The following PCDHGA4 variants were observed in gnomAD, a reference collection of about 807,000 sequenced individuals.
PCDHGA4 encodes protocadherin gamma subfamily A, 4.
A neutral mutation model predicts 54.6 loss-of-function variants in PCDHGA4; 38 were observed. That is an observed-to-expected ratio of 0.70 (90% confidence interval 0.54 to 0.91). The LOEUF is 0.91. Among genes scored for constraint, PCDHGA4 ranks in the 40% least tolerant of loss-of-function variants. PCDHGA4 has a pLI of 0.00. For synonymous variants in PCDHGA4, 511 were observed against 512.9 expected (o/e 1.00, Z 0.05); for missense variants, 1,298 against 1,220.9 (o/e 1.06, Z -0.94).
chr5:141,390,371 T>C (rs761971479), intron 1 of PCDHGA4: 15 of 1,499,488 alleles, frequency 1.0e-5, no homozygotes, highest in Non-Finnish European at 3.6e-6. Context: ...GGAAAATATA[T>C]AATTTTTAGA....
At chr5:141,391,884 G>C (rs1192403353) in intron 1 of PCDHGA4, 1 of 152,128 alleles carries the variant, frequency 6.6e-6, no homozygotes, top group East Asian at 1.9e-4. Flanking sequence ...TTGGTGAAAG[G>C]GATGGGATGG....
intron 1 of PCDHGA4, chr5:141,383,834 C>T: frequency 2.5e-6 from 4 of 1,613,906 alleles, no homozygotes; most frequent in Non-Finnish European, 3.4e-6. Context: ...TATGAAGAAA[C>T]TGCCTTCTAT....
chr5:141,381,834 T>TTCTTTCTTTCTTTCTTTCTTCTTC, intron 1 of PCDHGA4, among the ~76,000 whole-genome samples: 1 of 140,162 alleles, frequency 7.1e-6, no homozygotes, highest in African/African-American at 2.8e-5. Flanking sequence ...TTCTTTTTTT[T>TTCTTTCTTTCTTTCTTTCTTCTTC]TTTTTTTTTT....
rs376415955 is a variant in PCDHGA4, at chr5:141,432,082, C to T, written c.2515-62725C>T. ...CCACGGAAACTCATATCTCGCTGAACGTGGCAGACACCAACGACAACCCGC... is the reference window on the plus strand; with the variant it reads ...CCACGGAAACTCATATCTCGCTGAATGTGGCAGACACCAACGACAACCCGC... On this transcript the variant is annotated intron_variant, in intron 1 of 3. Transcript: ENST00000571252. This position sits in a 1 kb window ranked among gnomAD's most constrained non-coding sequence, Gnocchi z 6.0. The T allele has an allele frequency of 3.1e-6, 5 of 1,614,184 alleles. No homozygotes were observed. Among genetic ancestry groups the T allele is most frequent in the Non-Finnish European group, 4.2e-6 (5 of 1,180,028 alleles).
chr5:141,506,740 T>C (rs1006665092), intron 3 of PCDHGA4, among the ~76,000 whole-genome samples: 2 of 152,104 alleles, frequency 1.3e-5, no homozygotes, highest in African/African-American at 2.4e-5. Context: ...ATAATGCCTA[T>C]TAATAAAGAC....
intron 1 of PCDHGA4, chr5:141,422,819 TGAGA>T (rs766395950): frequency 6.2e-7 from 1 of 1,614,188 alleles, no homozygotes; most frequent in African/African-American, 1.3e-5. Flanking sequence ...GACTTAGAAC[TGAGA>T]GTGATAGCAC....
chr5:141,360,383 A>G, intron 1 of PCDHGA4: 1 of 1,613,868 alleles, frequency 6.2e-7, no homozygotes, highest in Non-Finnish European at 8.5e-7. Context: ...GAAAGCGGAG[A>G]CTTACTTGTG....
rs558951022 is a variant in PCDHGA4 at position 141,501,554 on chromosome 5, C to T, written c.2574-3839C>T. On this transcript the variant is annotated intron_variant, in intron 2 of 3. Coordinates refer to ENST00000571252, the MANE Select transcript of PCDHGA4 (RefSeq NM_018917.4). ...CGTTGTTGTGCATAAGATCATAGGC[C>T]CTGGAATCATATTAGGCTGGCTTTC... is the stretch of plus-strand genomic sequence containing the variant. Among the ~76,000 whole-genome samples the T allele has an allele frequency of 3.3e-5, 5 of 152,044 alleles. No homozygotes were observed. In the East Asian group the frequency reaches 7.8e-4, roughly 24 times the overall value.
At position 141,505,383 on chromosome 5, in the gene PCDHGA4, C is replaced by G. The variant is rs369765886; in HGVS notation, c.2574-10C>G. On this transcript the variant is annotated splice_polypyrimidine_tract_variant and intron_variant, in intron 2 of 3. Transcript: ENST00000571252. ...GGGAGTCTGTGCTCACCATCCTACT[C>G]TCTCCCCAGCTCCCAAAATGGCGAT... The G allele has an allele frequency of 6.2e-7, 1 of 1,613,944 alleles. No homozygotes were observed. The highest frequency in any genetic ancestry group is 1.3e-5 in the African/African-American group (1 of 74,914).
In PCDHGA4 at chr5:141,476,245, G is replaced by C; in HGVS notation, c.2515-18562G>C. 3.1e-6 allele frequency: 5 copies of C among 1,614,086 alleles called. No homozygotes were observed. The highest frequency in any genetic ancestry group is 3.4e-6 in the Non-Finnish European group (4 of 1,180,026). On this transcript the variant is annotated intron_variant, in intron 1 of 3. Transcript: ENST00000571252. This position sits in a 1 kb window ranked among gnomAD's most constrained non-coding sequence, Gnocchi z 7.6. The stretch of plus-strand genomic sequence containing the variant: ...ATGAGATCCCGGAGGAAAGAGAGAA[G>C]GGTTTCGCTGTGGGCAACGTGGTCG...
At chr5:141,394,260 G>A (rs779006100) in intron 1 of PCDHGA4, 2 of 1,613,802 alleles carry the variant, frequency 1.2e-6, no homozygotes, top group African/African-American at 2.7e-5. Flanking sequence ...CGACAGCCAG[G>A]AGAATGCCCA....
chr5:141,413,322 G>A, intron 1 of PCDHGA4: 2 of 1,613,940 alleles, frequency 1.2e-6, no homozygotes, highest in Non-Finnish European at 1.7e-6. Flanking sequence ...GCTCTTTCGT[G>A]GGCAACATCT....
At chr5:141,392,668 C>T in intron 1 of PCDHGA4, 2 of 849,812 alleles carry the variant, frequency 2.4e-6, no homozygotes, top group Admixed American at 3.2e-5. Flanking sequence ...CACAAACTAA[C>T]TGCTGGACTG....
intron 1 of PCDHGA4, chr5:141,410,091 G>A: frequency 8.7e-6 from 14 of 1,612,518 alleles, no homozygotes; most frequent in African/African-American, 1.3e-5. Flanking sequence ...CGCACGGCTC[G>A]AGCCTTAGGC....
At chr5:141,441,916 C>T (rs1340767725) in intron 1 of PCDHGA4, 9 of 352,248 alleles carry the variant, frequency 2.6e-5, no homozygotes, top group Non-Finnish European at 4.9e-5. Context: ...AGATGTGAGA[C>T]ACAATGCGTG....
Position 141,490,089 on chromosome 5 carries a change from C to G in PCDHGA4, c.2515-4718C>G. On this transcript the variant is annotated intron_variant, in intron 1 of 3. Transcript: ENST00000571252. This position sits in a 1 kb window ranked among gnomAD's most constrained non-coding sequence, Gnocchi z 5.4. ...GCCAACTAGACTATTCTTTTGGAGACCACACATCTGAGGCAGTGCGGAACC... is the reference window on the plus strand; with the variant it reads ...GCCAACTAGACTATTCTTTTGGAGAGCACACATCTGAGGCAGTGCGGAACC... 1 of 1,614,232 alleles carries G rather than the reference C, an allele frequency of 6.2e-7. No homozygotes were observed. The highest frequency in any genetic ancestry group is 8.5e-7 in the Non-Finnish European group (1 of 1,180,026).
chr5:141,492,458 G>A (rs1333043781), intron 1 of PCDHGA4, among the ~76,000 whole-genome samples: 1 of 152,230 alleles, frequency 6.6e-6, no homozygotes, highest in Non-Finnish European at 1.5e-5. Flanking sequence ...GTGCGCGCCT[G>A]AGGGTCCCAG....
intron 1 of PCDHGA4, among the ~76,000 whole-genome samples, chr5:141,492,711 C>T (rs927567393): frequency 4.6e-5 from 7 of 152,254 alleles, no homozygotes; most frequent in East Asian, 3.8e-4. Flanking sequence ...AAGCCTCGAG[C>T]AGGCGGACAG....
Position 141,485,813 on chromosome 5 carries a change from G to A in PCDHGA4, c.2515-8994G>A. The A allele has an allele frequency of 1.9e-6, 3 of 1,614,078 alleles. No individual in the cohort carries two copies. Among genetic ancestry groups the A allele is most frequent in the Non-Finnish European group, 2.5e-6 (3 of 1,180,008 alleles). On this transcript the variant is annotated intron_variant, in intron 1 of 3. Coordinates refer to ENST00000571252, the MANE Select transcript of PCDHGA4 (RefSeq NM_018917.4). This position sits in a 1 kb window ranked among gnomAD's most constrained non-coding sequence, Gnocchi z 5.7. ...ATCGGACTACCGCCTGGTGCTGACT[G>A]CTGTCGATGGAGGGAACCCGCCGAG... is the stretch of plus-strand genomic sequence containing the variant.
Sources: allele counts gnomAD v4.1 joint callset (sites outside exome capture counted in the v4.1 genomes callset), GRCh38; gene constraint gnomAD v4.1.1; non-coding constraint Gnocchi (gnomAD v3.1); transcripts MANE v1.5; gene names NCBI Gene and HGNC (gene_info 2026-07-23, HGNC 2026-07-21).